KCNIP1: variants seen among roughly 807,000 people sequenced by gnomAD.
KCNIP1 encodes the protein A-type potassium channel modulatory protein KCNIP1.
Under a neutral mutation model 33.0 loss-of-function variants are expected in KCNIP1, and 18 were observed. The observed-to-expected ratio is 0.55, with a 90% CI of 0.38 to 0.81. The LOEUF (loss-of-function observed/expected upper bound fraction) is 0.81. KCNIP1 is among the 30% of genes least tolerant of loss of function. KCNIP1 has a pLI of 0.00. For synonymous variants in KCNIP1, 93 were observed against 98.3 expected (o/e 0.95, Z 0.32); for missense variants, 238 against 271.6 (o/e 0.88, Z 0.87).
rs771873575 is a variant in KCNIP1, at chr5:170,383,774, C to A, written c.88+29810C>A. 8.7e-5 allele frequency: 141 copies of A among 1,613,932 alleles called. No individual in the cohort carries two copies. Among genetic ancestry groups the A allele is most frequent in the Middle Eastern group, 1.6e-4 (1 of 6,084 alleles). ...ACCCACAGGCATGGGTACTGGGGCA[C>A]CTTCTTGCCCTTCAGCTCCTCCTGG... On this transcript the variant is annotated intron_variant, in intron 1 of 7. Coordinates refer to the KCNIP1 transcript ENST00000377360.
intron 1 of KCNIP1, among the ~76,000 whole-genome samples, chr5:170,543,950 A>G (rs1041384756): frequency 1.3e-5 from 2 of 152,232 alleles, no homozygotes; most frequent in Non-Finnish European, 2.9e-5. Flanking sequence ...AGGTTAAATG[A>G]GTAAGGCTAG....
intron 1 of KCNIP1, among the ~76,000 whole-genome samples, chr5:170,498,761 G>A (rs1764382713): frequency 6.6e-6 from 1 of 152,210 alleles, no homozygotes; most frequent in Non-Finnish European, 1.5e-5. Flanking sequence ...TTTGCAGAGT[G>A]CTCTACAGAG....
chr5:170,558,584 G>A (rs1432049002), intron 1 of KCNIP1, among the ~76,000 whole-genome samples: 3 of 152,184 alleles, frequency 2.0e-5, no homozygotes, highest in African/African-American at 4.8e-5. Context: ...TGGGCTCTCT[G>A]GAAGCTGCAT....
chr5:170,702,047 A>C (rs1472034104), intron 1 of KCNIP1, among the ~76,000 whole-genome samples: 1 of 152,094 alleles, frequency 6.6e-6, no homozygotes, highest in Non-Finnish European at 1.5e-5. Context: ...TTCCCCTAAA[A>C]ACCTATGGAA....
chr5:170,703,283 T>A (rs1763160156), intron 1 of KCNIP1, among the ~76,000 whole-genome samples: 2 of 137,710 alleles, frequency 1.5e-5, no homozygotes, highest in South Asian at 5.4e-4. Flanking sequence ...TTCAGGTATA[T>A]AAACGAGTGA....
intron 1 of KCNIP1, chr5:170,378,596 G>A: frequency 8.6e-7 from 1 of 1,156,560 alleles, no homozygotes; most frequent in Non-Finnish European, 1.2e-6. Context: ...TGGACTGGAA[G>A]AGTGGGAGGG....
chr5:170,488,397 G>A (rs1326918873), intron 1 of KCNIP1, among the ~76,000 whole-genome samples: 1 of 152,182 alleles, frequency 6.6e-6, no homozygotes, highest in Non-Finnish European at 1.5e-5. Flanking sequence ...CCTGGGTGAT[G>A]AATGAGTAGT....
chr5:170,609,661 C>T lies in KCNIP1; in HGVS notation c.61+105028C>T, dbSNP rs150995651. 8.6e-4 allele frequency among the ~76,000 whole-genome samples: 130 copies of T among 151,892 alleles called. 1 individual carries two copies. The highest frequency in any genetic ancestry group is 3.0e-3 in the African/African-American group (123 of 41,420). ...TTCAAGACCAGCCTGGGCAACATAG[C>T]GAGACCTCACTAAAAATAAAACAAA... On this transcript the variant is annotated intron_variant, in intron 1 of 7. Transcript: ENST00000328939.
chr5:170,713,796 C>T (rs892368881), intron 1 of KCNIP1, among the ~76,000 whole-genome samples: 1 of 152,016 alleles, frequency 6.6e-6, no homozygotes, highest in Non-Finnish European at 1.5e-5. Context: ...CCAAGGTGGG[C>T]AGATCACCTG....
intron 1 of KCNIP1, among the ~76,000 whole-genome samples, chr5:170,572,000 C>G (rs182972306): frequency 2.0e-5 from 3 of 152,054 alleles, no homozygotes; most frequent in African/African-American, 7.2e-5. Flanking sequence ...ACAAATAGCA[C>G]CCTACGCACA....
At chr5:170,441,013 T>G (rs1755975673) in intron 1 of KCNIP1, among the ~76,000 whole-genome samples, 1 of 152,216 alleles carries the variant, frequency 6.6e-6, no homozygotes, top group African/African-American at 2.4e-5. Context: ...TCCCTCGGTC[T>G]GCCGTCGCCC....
At chr5:170,663,907 A>G (rs1761595536) in intron 1 of KCNIP1, among the ~76,000 whole-genome samples, 1 of 112,516 alleles carries the variant, frequency 8.9e-6, no homozygotes, top group African/African-American at 4.2e-5. Flanking sequence ...CCCTTCCACC[A>G]TCCTTTCTAT....
intron 1 of KCNIP1, among the ~76,000 whole-genome samples, chr5:170,706,958 T>A (rs1444894363): frequency 6.6e-6 from 1 of 152,134 alleles, no homozygotes; most frequent in Non-Finnish European, 1.5e-5. Flanking sequence ...ATTTACTGGC[T>A]ATCTCCATGT....
At chr5:170,477,924 G>T (rs1399504718) in intron 1 of KCNIP1, among the ~76,000 whole-genome samples, 1 of 152,192 alleles carries the variant, frequency 6.6e-6, no homozygotes, top group Non-Finnish European at 1.5e-5. Context: ...AATATTTGCA[G>T]TAGAGTATGA....
At chr5:170,383,730 G>A (rs1349805227) in intron 1 of KCNIP1, 1 of 1,614,046 alleles carries the variant, frequency 6.2e-7, no homozygotes, top group Non-Finnish European at 8.5e-7. Context: ...CAGCCCACCT[G>A]CCGGCAGCTG....
chr5:170,454,452 G>C (rs1276262535), intron 1 of KCNIP1, among the ~76,000 whole-genome samples: 1 of 152,150 alleles, frequency 6.6e-6, no homozygotes, highest in Non-Finnish European at 1.5e-5. Flanking sequence ...TCCAAGAAGT[G>C]GCCTTGACCT....
At chr5:170,460,884 T>C (rs1756488229) in intron 1 of KCNIP1, among the ~76,000 whole-genome samples, 1 of 152,222 alleles carries the variant, frequency 6.6e-6, no homozygotes, top group African/African-American at 2.4e-5. Flanking sequence ...TTGCTGATGA[T>C]ATTATTGTTT....
chr5:170,672,725 C>A (rs1291736740), intron 1 of KCNIP1, among the ~76,000 whole-genome samples: 1 of 152,190 alleles, frequency 6.6e-6, no homozygotes, highest in Non-Finnish European at 1.5e-5. Context: ...CCTCTGAAGA[C>A]AAATGTCTTC....
chr5:170,439,111 A>T (rs982124873), intron 1 of KCNIP1, among the ~76,000 whole-genome samples: 1 of 152,320 alleles, frequency 6.6e-6, no homozygotes, highest in East Asian at 1.9e-4. Context: ...AGAAAAAAAC[A>T]ATCAGTTGTA....
Sources: gnomAD v4.1 joint callset for allele counts (sites outside exome capture counted in the v4.1 genomes callset) on GRCh38, gnomAD v4.1.1 for gene constraint, MANE v1.5 for transcripts, NCBI Gene and HGNC (gene_info 2026-07-23, HGNC 2026-07-21) for gene names.